The following LRP1B variants were observed in gnomAD, a reference collection of about 807,000 sequenced individuals.
LRP1B encodes low-density lipoprotein receptor-related protein 1B.
Under a neutral mutation model 556.6 loss-of-function variants are expected in LRP1B, and 217 were observed. The observed-to-expected ratio is 0.39, with a 90% confidence interval of 0.35 to 0.44. The LOEUF is 0.44. LRP1B is among the 20% of genes least tolerant of loss of function. The pLI, the probability that LRP1B is intolerant of heterozygous loss-of-function variation, is 1.00. For synonymous variants in LRP1B, 2,047 were observed against 1,865.8 expected (o/e 1.10, Z -2.50); for missense variants, 5,053 against 5,620.8 (o/e 0.90, Z 3.23).
In LRP1B at chr2:141,050,438, G is replaced by A. The variant is rs534367531; in HGVS notation, c.1553-1216C>T. On this transcript the variant is annotated intron_variant, in intron 10 of 90. Coordinates refer to ENST00000389484, the MANE Select transcript of LRP1B (RefSeq NM_018557.3). ...GGTGGTTTGCTGCACCTATCAACCG[G>A]TCATCTAGGTTTTAAGCCCCACATG... Among the ~76,000 whole-genome samples the A allele has an allele frequency of 2.0e-5, 3 of 151,980 alleles. No individual in the cohort carries two copies. In the East Asian group the frequency reaches 5.9e-4, roughly 30 times the overall value.
chr2:141,810,169 G>GAACT, intron 2 of LRP1B, 110 bp downstream of exon 2: 4 of 727,154 alleles, frequency 5.5e-6, no homozygotes, highest in Non-Finnish European at 8.0e-6. Context: ...AAGAAAGAAG[G>GAACT]AAAGAAAGAA....
At chr2:140,940,262 T>C (rs1439828935) in intron 20 of LRP1B, among the ~76,000 whole-genome samples, 1 of 152,254 alleles carries the variant, frequency 6.6e-6, no homozygotes, top group African/African-American at 2.4e-5. Flanking sequence ...TACTGAACAA[T>C]TTTTTATATG....
chr2:141,727,778 G>GTA (rs1693096008), intron 2 of LRP1B, among the ~76,000 whole-genome samples: 2 of 151,840 alleles, frequency 1.3e-5, no homozygotes. Context: ...TTATATGTGT[G>GTA]TATATATATA....
At chr2:141,853,235 T>A (rs1399756034) in intron 1 of LRP1B, among the ~76,000 whole-genome samples, 3 of 151,626 alleles carry the variant, frequency 2.0e-5, no homozygotes, top group African/African-American at 7.3e-5. Flanking sequence ...GATCATTTAT[T>A]GACGTATCTG....
intron 1 of LRP1B, among the ~76,000 whole-genome samples, chr2:142,042,721 C>T (rs1443724503): frequency 6.6e-6 from 1 of 151,518 alleles, no homozygotes; most frequent in Non-Finnish European, 1.5e-5. Context: ...GTTGGTCTAA[C>T]CACCTGAATT....
chr2:141,182,428 G>A (rs557017721), intron 7 of LRP1B, among the ~76,000 whole-genome samples: 154 of 152,064 alleles, frequency 1.0e-3, no homozygotes, highest in African/African-American at 2.6e-3. Flanking sequence ...CATCCTACAG[G>A]TGAATGCTGA....
intron 1 of LRP1B, among the ~76,000 whole-genome samples, chr2:141,905,602 A>C (rs1326502244): frequency 6.6e-6 from 1 of 151,818 alleles, no homozygotes; most frequent in Non-Finnish European, 1.5e-5. Context: ...ATGGATACTG[A>C]TCAAGAAAGG....
chr2:140,926,827 A>G (rs1192608813), intron 20 of LRP1B, among the ~76,000 whole-genome samples: 1 of 152,110 alleles, frequency 6.6e-6, no homozygotes, highest in Non-Finnish European at 1.5e-5. Flanking sequence ...TTGACTCTCA[A>G]GGTGGTCTTC....
intron 1 of LRP1B, among the ~76,000 whole-genome samples, chr2:141,889,179 G>A (rs1437541520): frequency 6.6e-6 from 1 of 151,826 alleles, no homozygotes; most frequent in Non-Finnish European, 1.5e-5. Flanking sequence ...TAATGCTTAA[G>A]TAAGCATTAT....
intron 15 of LRP1B, among the ~76,000 whole-genome samples, chr2:141,003,353 A>C (rs754400406): frequency 5.6e-4 from 85 of 152,188 alleles, no homozygotes; most frequent in Non-Finnish European, 1.0e-3. Flanking sequence ...TGAACTTGCA[A>C]AGTAATTAGC....
intron 47 of LRP1B, among the ~76,000 whole-genome samples, chr2:140,529,435 G>GT (rs1212124731): frequency 1.8e-5 from 2 of 109,126 alleles, no homozygotes; most frequent in African/African-American, 8.2e-5. Flanking sequence ...GCTGAAAAGG[G>GT]GGGGGGGAAG....
At chr2:141,963,584 G>T (rs1701468870) in intron 1 of LRP1B, among the ~76,000 whole-genome samples, 1 of 151,720 alleles carries the variant, frequency 6.6e-6, no homozygotes, top group Admixed American at 6.6e-5. Flanking sequence ...GGTATTGATG[G>T]GTCGTATTTC....
intron 68 of LRP1B, 85 bp downstream of exon 68, chr2:140,378,095 T>C: frequency 1.2e-6 from 1 of 863,938 alleles, no homozygotes; most frequent in South Asian, 1.6e-5. Flanking sequence ...GAGCTGTCCT[T>C]GCCGCACTTA....
At chr2:140,894,793 C>T (rs138332048) in intron 23 of LRP1B, among the ~76,000 whole-genome samples, 2,448 of 151,978 alleles carry the variant, frequency 0.016, 87 homozygotes, top group African/African-American at 0.056. Context: ...TACAAAAATA[C>T]AAAAATTAGC....
chr2:141,602,128 T>C (rs1006078836), intron 2 of LRP1B, among the ~76,000 whole-genome samples: 1 of 152,010 alleles, frequency 6.6e-6, no homozygotes, highest in Non-Finnish European at 1.5e-5. Context: ...TCCGTGGAAG[T>C]TGAATTAGAA....
chr2:140,524,161 C>T (rs1391337153), intron 49 of LRP1B, among the ~76,000 whole-genome samples: 3 of 151,412 alleles, frequency 2.0e-5, no homozygotes, highest in Admixed American at 6.6e-5. Context: ...AAAAATGGGT[C>T]GAGTATAGAA....
chr2:141,680,353 A>G (rs1057420889), intron 2 of LRP1B, among the ~76,000 whole-genome samples: 3 of 152,150 alleles, frequency 2.0e-5, no homozygotes, highest in Non-Finnish European at 4.4e-5. Context: ...TGTCTGGATG[A>G]TAATGAGAAT....
At position 140,851,668 on chromosome 2, in the gene LRP1B, G is replaced by A. The variant is rs1559156342; in HGVS notation, c.4695C>T (p.Asp1565=). ...ACPHLMKLSS[D]KKTCYEMKKF... is the part of the protein sequence containing the mutation. Reference sequence around the variant, plus strand: ...GAAATTTACCATAGCAGGTCTTCTTGTCTGAAGAAAGCTTCATCAAGTGGG... The same window carrying A: ...GAAATTTACCATAGCAGGTCTTCTTATCTGAAGAAAGCTTCATCAAGTGGG... The change falls in exon 28 of 91, where the codon GAC becomes GAT. Residue 1565 remains aspartate (D), a synonymous_variant. Transcript: ENST00000389484. The A allele has an allele frequency of 6.2e-7, 1 of 1,609,590 alleles. No individual in the cohort carries two copies. The highest frequency in any genetic ancestry group is 1.1e-5 in the South Asian group (1 of 89,966).
intron 3 of LRP1B, among the ~76,000 whole-genome samples, chr2:141,276,982 T>C (rs755253162): frequency 4.1e-4 from 62 of 152,296 alleles, no homozygotes; most frequent in African/African-American, 4.1e-4. Context: ...TTTATGGATA[T>C]GTATACATAG....
Sources: allele counts gnomAD v4.1 joint callset (sites outside exome capture counted in the v4.1 genomes callset), GRCh38; gene constraint gnomAD v4.1.1; transcripts MANE v1.5; gene names NCBI Gene and HGNC (gene_info 2026-07-23, HGNC 2026-07-21).